POR: variants seen among roughly 807,000 people sequenced by gnomAD.
POR encodes NADPH--cytochrome P450 reductase.
POR carries 56 observed loss-of-function variants against 84.0 expected under a neutral mutation model. That is an observed-to-expected ratio of 0.67 (90% CI 0.54 to 0.83). POR has a LOEUF of 0.83. POR is among the 40% of genes least tolerant of loss of function. The probability of loss-of-function intolerance (pLI) is 0.00; values close to 1 mark genes in which losing one functional copy is unlikely to be tolerated. For missense variants in POR, 938 were observed against 944.3 expected (o/e 0.99, Z 0.09); for synonymous variants, 414 against 400.5 (o/e 1.03, Z -0.40).
At position 75,986,716 on chromosome 7, in the gene POR, G is replaced by C; in HGVS notation, c.*235G>C. Reference sequence around the variant, plus strand: ...GGGGGCACCGGGCTCCATGCCTCTGGAGGCCTCTGGCCCTCGGTGGCTGCA... The same window carrying C: ...GGGGGCACCGGGCTCCATGCCTCTGCAGGCCTCTGGCCCTCGGTGGCTGCA... On this transcript the variant is annotated 3_prime_UTR_variant, in exon 16 of 16. Transcript: ENST00000461988. The C allele has an allele frequency of 1.7e-6, 1 of 606,022 alleles. No individual in the cohort carries two copies. The allele number at this position is 606,022 out of a possible 1,614,324, so 37.5% of individuals were successfully genotyped here.
At chr7:75,935,619 T>TTGTGTGTGTGTG (rs57899780) in intron 1 of POR, among the ~76,000 whole-genome samples, 42 of 131,284 alleles carry the variant, frequency 3.2e-4, no homozygotes, top group Non-Finnish European at 4.8e-4. Context: ...TGCTCGGGGC[T>TTGTGTGTGTGTG]TGTGTGTGTG....
At chr7:75,952,278 G>T (rs1787469138) in intron 1 of POR, among the ~76,000 whole-genome samples, 1 of 148,694 alleles carries the variant, frequency 6.7e-6, no homozygotes, top group African/African-American at 2.5e-5. Context: ...CGGCTGGCCG[G>T]GCGGGGGGCT....
chr7:75,955,344 A>C (rs937224856), intron 2 of POR, among the ~76,000 whole-genome samples: 1 of 152,244 alleles, frequency 6.6e-6, no homozygotes, highest in African/African-American at 2.4e-5. Context: ...TGTAGACAGA[A>C]AAAAATGATA....
chr7:75,968,066 C>T (rs1554555548), intron 2 of POR: 1 of 455,134 alleles, frequency 2.2e-6, no homozygotes, highest in Admixed American at 2.3e-5. Context: ...AGTCCTGGAG[C>T]TGAGAGTGAG....
At chr7:75,976,915 A>G (rs1013191728) in intron 3 of POR, among the ~76,000 whole-genome samples, 2 of 152,022 alleles carry the variant, frequency 1.3e-5, no homozygotes, top group African/African-American at 2.4e-5. Flanking sequence ...CAGTGGCTCA[A>G]TCACAGCTCA....
intron 3 of POR, among the ~76,000 whole-genome samples, chr7:75,974,089 A>G (rs1248146009): frequency 2.0e-5 from 3 of 152,194 alleles, no homozygotes; most frequent in African/African-American, 4.8e-5. Flanking sequence ...ATTCCATTAT[A>G]TGGCCATCTG....
At chr7:75,951,411 AAG>A (rs1369574721) in intron 1 of POR, among the ~76,000 whole-genome samples, 1 of 152,134 alleles carries the variant, frequency 6.6e-6, no homozygotes, top group African/African-American at 2.4e-5. Context: ...TAAAATAAAA[AAG>A]AAAGAAAAAA....
At chr7:75,954,284 AG>A in intron 2 of POR, 104 bp downstream of exon 2, 1 of 1,243,752 alleles carries the variant, frequency 8.0e-7, no homozygotes, top group East Asian at 2.5e-5. Context: ...GGCTCCTTGT[AG>A]CATTTTGGGG....
intron 1 of POR, among the ~76,000 whole-genome samples, chr7:75,930,857 C>T (rs536744052): frequency 6.8e-6 from 1 of 146,612 alleles, no homozygotes; most frequent in African/African-American, 2.5e-5. Context: ...GGGTCTTGCT[C>T]TGTCACCCAG....
intron 1 of POR, among the ~76,000 whole-genome samples, chr7:75,945,933 G>A (rs1235937109): frequency 6.6e-6 from 1 of 152,108 alleles, no homozygotes; most frequent in African/African-American, 2.4e-5. Flanking sequence ...CAAATGGTTG[G>A]CCTCAGAGAG....
At chr7:75,983,495 C>T (rs1428294977) in intron 8 of POR, 25 bp from the exon 9 acceptor site, 1 of 1,560,428 alleles carries the variant, frequency 6.4e-7, no homozygotes, top group Non-Finnish European at 8.8e-7. Flanking sequence ...CGGCCGCTCA[C>T]TGTGCTTCTC....
chr7:75,932,723 T>G (rs1423474583), intron 1 of POR, among the ~76,000 whole-genome samples: 1 of 152,062 alleles, frequency 6.6e-6, no homozygotes, highest in East Asian at 1.9e-4. Flanking sequence ...ATAAGACCGA[T>G]CATGTTAAAA....
chr7:75,979,433 T>C lies in POR; in HGVS notation c.238-18T>C, dbSNP rs1788879158. On this transcript the variant is annotated intron_variant, in intron 3 of 15. Transcript: ENST00000461988. ...TGAGGTCTGTGGCCCTCACCAACCCTGTGTCTGCCTTCCTTAGGGGAGGAA... is the reference window on the plus strand; with the variant it reads ...TGAGGTCTGTGGCCCTCACCAACCCCGTGTCTGCCTTCCTTAGGGGAGGAA... The C allele has an allele frequency of 6.2e-7, 1 of 1,611,024 alleles. No homozygotes were observed.
intron 1 of POR, among the ~76,000 whole-genome samples, chr7:75,951,062 G>GA (rs1563412494): frequency 7.0e-5 from 1 of 14,258 alleles, no homozygotes; most frequent in Non-Finnish European, 1.3e-4. Flanking sequence ...CTGTCCCCCG[G>GA]CCCCCCCCCC....
intron 1 of POR, among the ~76,000 whole-genome samples, chr7:75,948,629 T>C (rs967313695): frequency 1.3e-5 from 2 of 152,348 alleles, no homozygotes; most frequent in East Asian, 3.9e-4. Context: ...TATAAAGGCA[T>C]TCCATAGTCT....
At chr7:75,952,820 C>T (rs1300812459) in intron 1 of POR, among the ~76,000 whole-genome samples, 4 of 150,964 alleles carry the variant, frequency 2.6e-5, no homozygotes, top group African/African-American at 2.4e-5. Flanking sequence ...CGGGCAGAGA[C>T]GCTCCTCACT....
At chr7:75,979,408 T>G (rs1788877561) in intron 3 of POR, 43 bp from the exon 4 acceptor site, 1 of 1,603,618 alleles carries the variant, frequency 6.2e-7, no homozygotes, top group East Asian at 2.2e-5. Flanking sequence ...GAGCCGTGGC[T>G]GAGGTCTGTG....
chr7:75,930,728 G>T (rs1807371699), intron 1 of POR, among the ~76,000 whole-genome samples: 1 of 152,234 alleles, frequency 6.6e-6, no homozygotes, highest in East Asian at 1.9e-4. Flanking sequence ...CTCCATGTTG[G>T]TTAGGCTGGT....
chr7:75,954,078 C>A lies in POR; in HGVS notation c.86C>A (p.Thr29Lys). 1 of 1,612,884 alleles carries A rather than the reference C, an allele frequency of 6.2e-7. No homozygotes were observed. The highest frequency in any genetic ancestry group is 8.5e-7 in the Non-Finnish European group (1 of 1,179,366). The change falls in exon 2 of 16, where the codon ACG (threonine) becomes AAG (lysine). Residue 29 changes from threonine (T) to lysine (K), a missense_variant. Thr to Lys is a moderately conservative substitution (Grantham distance 78). Coordinates refer to ENST00000461988, the MANE Select transcript of POR (RefSeq NM_000941.3). ...GAAGAAGTATCTCTTTTCAGCATGA[C>A]GGACATGATTCTGTTTTCGCTCATC... is the stretch of plus-strand genomic sequence containing the variant.
Sources: gnomAD v4.1 joint callset for allele counts (sites outside exome capture counted in the v4.1 genomes callset) on GRCh38, gnomAD v4.1.1 for gene constraint, MANE v1.5 for transcripts, NCBI Gene and HGNC (gene_info 2026-07-23, HGNC 2026-07-21) for gene names.